Variants in PHF20 observed in about 807,000 individuals in gnomAD.
PHF20 encodes the protein PHD finger protein 20.
Under a neutral mutation model 113.5 loss-of-function variants are expected in PHF20, and 23 were observed. The ratio of observed to expected loss-of-function variants is 0.20; its 90% CI spans 0.15 to 0.29. The LOEUF is 0.29. PHF20 is among the 10% of genes least tolerant of loss of function. The pLI, the probability that PHF20 is intolerant of heterozygous loss-of-function variation, is 1.00. For synonymous variants in PHF20, 434 were observed against 457.3 expected, an observed-to-expected ratio of 0.95 and a Z score of 0.65; for missense variants, 943 against 1,219.6, an observed-to-expected ratio of 0.77 and a Z score of 3.38.
intron 2 of PHF20, among the ~76,000 whole-genome samples, chr20:35,818,926 TTTTTGTTTTG>T (rs111250703): frequency 5.9e-5 from 9 of 151,568 alleles, no homozygotes; most frequent in Non-Finnish European, 2.9e-5. Context: ...GCCTTCCCTG[TTTTTGTTTTG>T]TTTTGTTTTG....
intron 9 of PHF20, among the ~76,000 whole-genome samples, chr20:35,886,068 T>C (rs2054725489): frequency 6.6e-6 from 1 of 152,114 alleles, no homozygotes; most frequent in Non-Finnish European, 1.5e-5. Context: ...GTTCTATGGG[T>C]TATAATCTGT....
In PHF20 at chr20:35,801,624, G is replaced by A. The variant is rs2041783199; in HGVS notation, c.83+19G>A. 5.8e-6 allele frequency: 9 copies of A among 1,543,370 alleles called. No homozygotes were observed. Among genetic ancestry groups the A allele is most frequent in the Non-Finnish European group, 8.1e-6 (9 of 1,116,694 alleles). On this transcript the variant is annotated intron_variant, in intron 2 of 17. Transcript: ENST00000374012. ...AAAACTGGTACTTTTACATTTTTCTGTTAATTAAAGCCCTTCAGTAAAGGA... is the reference window on the plus strand; with the variant it reads ...AAAACTGGTACTTTTACATTTTTCTATTAATTAAAGCCCTTCAGTAAAGGA...
chr20:35,854,180 G>A (rs2042789020), intron 4 of PHF20, among the ~76,000 whole-genome samples: 2 of 152,174 alleles, frequency 1.3e-5, no homozygotes, highest in Admixed American at 6.5e-5. Context: ...TGGTCCTAGA[G>A]AACATGAGCT....
intron 1 of PHF20, among the ~76,000 whole-genome samples, chr20:35,783,540 G>A (rs779702204): frequency 5.8e-4 from 88 of 151,026 alleles, no homozygotes; most frequent in Non-Finnish European, 1.0e-3. Flanking sequence ...CCTCATCCTC[G>A]TGAGTAGTTG....
rs574176311 is a variant in PHF20 at position 35,778,991 on chromosome 20, G to A, written c.-33+6912G>A. Among the ~76,000 whole-genome samples the A allele has an allele frequency of 3.3e-5, 5 of 151,962 alleles. No homozygotes were observed. In the East Asian group the frequency reaches 9.6e-4, roughly 29 times the overall value. On this transcript the variant is annotated intron_variant, in intron 1 of 17. Coordinates refer to ENST00000374012, the MANE Select transcript of PHF20 (RefSeq NM_016436.5). Reference sequence around the variant, plus strand: ...GTGAACTTTGGGGAAGGAGCAAGAGGAGGGGCTTGGGATTTAAACAAAGGG... The same window carrying A: ...GTGAACTTTGGGGAAGGAGCAAGAGAAGGGGCTTGGGATTTAAACAAAGGG...
chr20:35,795,968 A>G lies in PHF20; in HGVS notation c.-32-5523A>G, dbSNP rs185063418. Among the ~76,000 whole-genome samples the G allele has an allele frequency of 1.7e-4, 26 of 152,218 alleles. No individual in the cohort carries two copies. The South Asian group carries it at 3.5e-3, about 21-fold the overall frequency. On this transcript the variant is annotated intron_variant, in intron 1 of 17. Coordinates refer to ENST00000374012, the MANE Select transcript of PHF20 (RefSeq NM_016436.5). The stretch of plus-strand genomic sequence containing the variant: ...AGGGTTGAAGTGATTGTTCTGCCTC[A>G]GCCTCCTGAGTAGCTGGGACTACAG...
chr20:35,826,376 T>G (rs2042262031), intron 2 of PHF20, among the ~76,000 whole-genome samples: 1 of 152,134 alleles, frequency 6.6e-6, no homozygotes, highest in Non-Finnish European at 1.5e-5. Context: ...CCCATCAGCA[T>G]GTTGAGTGTT....
intron 2 of PHF20, among the ~76,000 whole-genome samples, chr20:35,820,762 T>G (rs545717961): frequency 6.6e-6 from 1 of 152,190 alleles, no homozygotes; most frequent in African/African-American, 2.4e-5. Flanking sequence ...ATAAGTACTT[T>G]CAAGTGGGTA....
chr20:35,905,187 G>A (rs1466585197), intron 10 of PHF20, among the ~76,000 whole-genome samples: 1 of 152,270 alleles, frequency 6.6e-6, no homozygotes, highest in East Asian at 1.9e-4. Flanking sequence ...GCCCTTTCAT[G>A]TGGGGAGAAA....
intron 6 of PHF20, among the ~76,000 whole-genome samples, chr20:35,863,889 T>C (rs112564235): frequency 1.3e-5 from 2 of 152,334 alleles, no homozygotes. Flanking sequence ...AGAGTGATTA[T>C]TGATTAGAAA....
chr20:35,877,106 CAAAAAAA>C (rs760494622), intron 9 of PHF20, among the ~76,000 whole-genome samples: 1 of 32,370 alleles, frequency 3.1e-5, no homozygotes, highest in East Asian at 1.2e-3. Flanking sequence ...GACTCTGTCT[CAAAAAAA>C]AAAAAAAAAA....
At chr20:35,797,853 T>C (rs1243305386) in intron 1 of PHF20, among the ~76,000 whole-genome samples, 1 of 151,936 alleles carries the variant, frequency 6.6e-6, no homozygotes, top group Non-Finnish European at 1.5e-5. Flanking sequence ...GGTTTCACCA[T>C]GTTGGCTAGG....
rs1317928982 is a variant in PHF20 at position 35,931,431 on chromosome 20, A to T, written c.2287A>T (p.Met763Leu). The change falls in exon 15 of 18, where the codon ATG (methionine) becomes TTG (leucine). Residue 763 changes from methionine to leucine, a missense_variant. Met to Leu is a conservative substitution (Grantham distance 15). Coordinates refer to ENST00000374012, the MANE Select transcript of PHF20 (RefSeq NM_016436.5). ...GGTTCTGCATGGCCTGCAGCTCAAG[A>T]TGAGCATCTTGCAGTAAGTGTGGCA... ...IEVLHGLQLK[M>L]SILQSREHPD... The T allele has an allele frequency of 6.2e-7, 1 of 1,611,280 alleles. No individual in the cohort carries two copies. Among genetic ancestry groups the T allele is most frequent in the Admixed American group, 1.7e-5 (1 of 60,002 alleles).
intron 1 of PHF20, among the ~76,000 whole-genome samples, chr20:35,772,507 C>T (rs1245762031): frequency 6.6e-6 from 1 of 152,164 alleles, no homozygotes; most frequent in Non-Finnish European, 1.5e-5. Flanking sequence ...TTAAAATTGG[C>T]TTTTTTTATC....
chr20:35,899,652 A>C lies in PHF20; in HGVS notation c.1561+4A>C. The C allele has an allele frequency of 6.2e-7, 1 of 1,613,284 alleles. No individual in the cohort carries two copies. The highest frequency in any genetic ancestry group is 8.5e-7 in the Non-Finnish European group (1 of 1,179,652). ...CGGGTCTCTGCCAGTTCCCCAAGTA[A>C]GTATCTTCATTCTTCATTGTGTCAT... is the stretch of plus-strand genomic sequence containing the variant. On this transcript the variant is annotated splice_donor_region_variant and intron_variant, in intron 10 of 17. Transcript: ENST00000374012.
At chr20:35,813,028 G>A (rs1269452408) in intron 2 of PHF20, among the ~76,000 whole-genome samples, 1 of 152,140 alleles carries the variant, frequency 6.6e-6, no homozygotes, top group Non-Finnish European at 1.5e-5. Flanking sequence ...GAGCACAGTG[G>A]TGCGATCTTG....
intron 2 of PHF20, among the ~76,000 whole-genome samples, chr20:35,813,765 G>A (rs1027127824): frequency 6.6e-6 from 1 of 151,888 alleles, no homozygotes; most frequent in Admixed American, 6.6e-5. Context: ...GGCTGAGGCA[G>A]GAGAATTGTT....
intron 9 of PHF20, among the ~76,000 whole-genome samples, chr20:35,880,688 C>A (rs550395034): frequency 2.6e-5 from 4 of 152,052 alleles, no homozygotes; most frequent in Non-Finnish European, 4.4e-5. Context: ...AGATGGGATG[C>A]GGTGGCTCAT....
chr20:35,923,748 T>A (rs2055566153), intron 13 of PHF20, among the ~76,000 whole-genome samples: 1 of 152,180 alleles, frequency 6.6e-6, no homozygotes, highest in African/African-American at 2.4e-5. Context: ...TTACCCTTTT[T>A]ATTTTTATAT....
Sources: gnomAD v4.1 joint callset for allele counts (sites outside exome capture counted in the v4.1 genomes callset) on GRCh38, gnomAD v4.1.1 for gene constraint, MANE v1.5 for transcripts, NCBI Gene and HGNC (gene_info 2026-07-23, HGNC 2026-07-21) for gene names.